The following ANKRD11 variants were observed in gnomAD, a reference collection of about 807,000 sequenced individuals.
ANKRD11 encodes ankyrin repeat domain-containing protein 11.
Under a neutral mutation model 195.7 loss-of-function variants are expected in ANKRD11, and 17 were observed. That is an observed-to-expected ratio of 0.09 (90% CI 0.06 to 0.13). ANKRD11 has a LOEUF of 0.13. Among genes scored for constraint, ANKRD11 ranks in the 10% least tolerant of loss-of-function variants. The probability of loss-of-function intolerance (pLI) is 1.00; values close to 1 mark genes in which losing one functional copy is unlikely to be tolerated. For missense variants in ANKRD11, 3,735 were observed against 3,566.1 expected (o/e 1.05, Z -1.21); for synonymous variants, 1,953 against 1,528.1 (o/e 1.28, Z -6.49).
chr16:89,361,815 T>C (rs74753385), intron 2 of ANKRD11: 1 of 151,958 alleles, frequency 6.6e-6, no homozygotes, highest in African/African-American at 2.4e-5. Flanking sequence ...TTGGGAAAAT[T>C]AACCCTAAAC....
intron 3 of ANKRD11, among the ~76,000 whole-genome samples, chr16:89,314,475 C>A (rs1256473643): frequency 6.6e-6 from 1 of 152,148 alleles, no homozygotes; most frequent in African/African-American, 2.4e-5. Flanking sequence ...AGCGCTGGGG[C>A]TGCCGGCAAA....
At chr16:89,398,670 A>C (rs2041567854) in intron 2 of ANKRD11, among the ~76,000 whole-genome samples, 1 of 152,080 alleles carries the variant, frequency 6.6e-6, no homozygotes, top group Non-Finnish European at 1.5e-5. Flanking sequence ...TGAGCCCGGG[A>C]GGTTGAGGCT....
chr16:89,318,146 T>C (rs2037076829), intron 2 of ANKRD11, among the ~76,000 whole-genome samples: 3 of 152,298 alleles, frequency 2.0e-5, no homozygotes, highest in African/African-American at 7.2e-5. Flanking sequence ...CGACACACGG[T>C]GCGAGCGCAC....
intron 2 of ANKRD11, chr16:89,324,825 T>A: frequency 3.5e-6 from 1 of 287,708 alleles, no homozygotes; most frequent in Non-Finnish European, 6.8e-6. Context: ...TCGGACTGGC[T>A]TCCTGGCTCC....
intron 4 of ANKRD11, chr16:89,300,630 G>C: frequency 2.0e-6 from 1 of 494,536 alleles, no homozygotes; most frequent in Admixed American, 4.0e-5. Context: ...GGCTAAGTCT[G>C]TCTTCCCTCC....
chr16:89,384,889 T>C (rs993646727), intron 2 of ANKRD11, among the ~76,000 whole-genome samples: 4 of 119,150 alleles, frequency 3.4e-5, no homozygotes, highest in Admixed American at 8.6e-5. Flanking sequence ...CTTTTTTTTT[T>C]TTTTTTTTTT....
intron 2 of ANKRD11, among the ~76,000 whole-genome samples, chr16:89,402,742 T>C (rs2041749385): frequency 9.1e-6 from 1 of 109,304 alleles, no homozygotes; most frequent in Non-Finnish European, 1.9e-5. Flanking sequence ...TGGGGTGAGA[T>C]AGGGGGTATC....
intron 1 of ANKRD11, among the ~76,000 whole-genome samples, chr16:89,442,846 C>T (rs1219820600): frequency 6.6e-6 from 1 of 152,214 alleles, no homozygotes; most frequent in Non-Finnish European, 1.5e-5. Context: ...CTGCCCCTTA[C>T]AGCACAAGCC....
rs375228243 is a variant in ANKRD11 at position 89,480,769 on chromosome 16, C to G, written c.-145+9476G>C. 6.6e-5 allele frequency among the ~76,000 whole-genome samples: 10 copies of G among 152,226 alleles called. No homozygotes were observed. In the East Asian group the frequency reaches 1.9e-3, roughly 29 times the overall value. ...ATATCTGAGGGCAAATACCAGTCTGCCTTGGCCATTAAAGTCATTTAGGCA... is the reference window on the plus strand; with the variant it reads ...ATATCTGAGGGCAAATACCAGTCTGGCTTGGCCATTAAAGTCATTTAGGCA... On this transcript the variant is annotated intron_variant, in intron 1 of 12. Coordinates refer to ENST00000301030, the MANE Select transcript of ANKRD11 (RefSeq NM_013275.6).
chr16:89,479,452 G>C (rs563149987), intron 1 of ANKRD11, among the ~76,000 whole-genome samples: 17 of 151,212 alleles, frequency 1.1e-4, no homozygotes, highest in Admixed American at 7.9e-4. Context: ...GACCAACACG[G>C]AGAAACCCCA....
At chr16:89,306,952 A>G (rs568275757) in intron 3 of ANKRD11, among the ~76,000 whole-genome samples, 133 of 151,734 alleles carry the variant, frequency 8.8e-4, no homozygotes, top group South Asian at 3.7e-3. Flanking sequence ...GGTGCGACAC[A>G]CACAGCGCTT....
chr16:89,352,932 A>C (rs1416388843), intron 2 of ANKRD11, among the ~76,000 whole-genome samples: 1 of 152,232 alleles, frequency 6.6e-6, no homozygotes, highest in East Asian at 1.9e-4. Flanking sequence ...ACTACAACAA[A>C]ATTATTTTAA....
Position 89,305,638 on chromosome 16 carries a change from G to A in ANKRD11, c.88-294C>T, listed in dbSNP as rs62070784. On this transcript the variant is annotated intron_variant, in intron 3 of 12. Coordinates refer to ENST00000301030, the MANE Select transcript of ANKRD11 (RefSeq NM_013275.6). Reference sequence around the variant, plus strand: ...GAGAAAGCAGAGGAGACACACACGCGCTACCTCTCACTCCGCAGACACGCG... The same window carrying A: ...GAGAAAGCAGAGGAGACACACACGCACTACCTCTCACTCCGCAGACACGCG... Among the ~76,000 whole-genome samples, 207 of 143,884 alleles carry A rather than the reference G, an allele frequency of 1.4e-3. 3 individuals carry two copies. The highest frequency in any genetic ancestry group is 5.2e-3 in the African/African-American group (196 of 37,374). The allele number at this position is 143,884 out of a possible 152,430, so 94.4% of individuals were successfully genotyped here.
At chr16:89,410,359 A>C (rs760316789) in intron 2 of ANKRD11, among the ~76,000 whole-genome samples, 5 of 152,192 alleles carry the variant, frequency 3.3e-5, no homozygotes, top group African/African-American at 1.2e-4. Context: ...AGCAAGAATA[A>C]ATTTTAAACA....
intron 1 of ANKRD11, among the ~76,000 whole-genome samples, chr16:89,423,733 G>C (rs1302523325): frequency 7.2e-5 from 11 of 152,208 alleles, no homozygotes; most frequent in Admixed American, 7.2e-4. Context: ...AATCAGCCCA[G>C]ATGTGCTTCG....
At chr16:89,468,001 G>T (rs1434420347) in intron 1 of ANKRD11, among the ~76,000 whole-genome samples, 1 of 151,928 alleles carries the variant, frequency 6.6e-6, no homozygotes, top group Non-Finnish European at 1.5e-5. Context: ...ACGGGGTTTG[G>T]TTATGTTGGC....
At chr16:89,464,469 G>C (rs922931533) in intron 1 of ANKRD11, among the ~76,000 whole-genome samples, 1 of 149,330 alleles carries the variant, frequency 6.7e-6, no homozygotes, top group African/African-American at 2.5e-5. Flanking sequence ...TTAGCTGGGC[G>C]TGGGGTCAGA....
rs775618210 is a variant in ANKRD11 at position 89,283,696 on chromosome 16, C to A, written c.2846G>T (p.Arg949Leu). Residue 949 changes from arginine to leucine, a missense_variant, in exon 9 of 13, where the codon CGG becomes CTG. Physicochemically the swap from Arg to Leu is moderately radical, Grantham distance 102. Coordinates refer to ENST00000301030, the MANE Select transcript of ANKRD11 (RefSeq NM_013275.6). This position sits in a 1 kb window ranked among gnomAD's most constrained non-coding sequence, Gnocchi z 4.3. ...KKRRESAEAG[R>L]DRKDALESCK... Reference sequence around the variant, plus strand: ...GCTCTCCAGGGCGTCCTTTCTGTCCCGCCCGGCCTCTGCGGACTCTCTCCT... The same window carrying A: ...GCTCTCCAGGGCGTCCTTTCTGTCCAGCCCGGCCTCTGCGGACTCTCTCCT... 1.9e-6 allele frequency: 3 copies of A among 1,613,344 alleles called. No homozygotes were observed. Among genetic ancestry groups the A allele is most frequent in the Non-Finnish European group, 2.5e-6 (3 of 1,180,046 alleles).
At chr16:89,391,619 G>A (rs1444460668) in intron 2 of ANKRD11, among the ~76,000 whole-genome samples, 1 of 152,168 alleles carries the variant, frequency 6.6e-6, no homozygotes, top group Non-Finnish European at 1.5e-5. Flanking sequence ...AATACATGAA[G>A]TCAAGCTACA....
Sources: gnomAD v4.1 joint callset for allele counts (sites outside exome capture counted in the v4.1 genomes callset) on GRCh38, gnomAD v4.1.1 for gene constraint, Gnocchi (gnomAD v3.1) non-coding constraint, MANE v1.5 for transcripts, NCBI Gene and HGNC (gene_info 2026-07-23, HGNC 2026-07-21) for gene names.